PDE8A: variants seen among roughly 807,000 people sequenced by gnomAD.
PDE8A encodes phosphodiesterase 8A.
A neutral mutation model predicts 105.0 loss-of-function variants in PDE8A; 59 were observed. That is an observed-to-expected ratio of 0.56 (90% CI 0.46 to 0.70). The LOEUF is 0.70. Ranked by LOEUF, PDE8A falls within the 30% of genes least tolerant of loss-of-function variation. The pLI, the probability that PDE8A is intolerant of heterozygous loss-of-function variation, is 0.00. For missense variants in PDE8A, 1,014 were observed against 1,045.9 expected (o/e 0.97, Z 0.42); for synonymous variants, 355 against 371.9 (o/e 0.95, Z 0.52).
chr15:84,997,963 G>T (rs1313807951), intron 1 of PDE8A, among the ~76,000 whole-genome samples: 1 of 152,114 alleles, frequency 6.6e-6, no homozygotes, highest in Non-Finnish European at 1.5e-5. Flanking sequence ...CAAAGACTTG[G>T]ATTTATTCTT....
At chr15:84,981,691 AGGC>A (rs143049742), upstream of PDE8A, among the ~76,000 whole-genome samples, 4,478 of 150,742 alleles carry the variant, frequency 0.03, 238 homozygotes, top group African/African-American at 0.1. Flanking sequence ...GGAGCCGGGG[AGGC>A]GGCGGCGGCG....
At chr15:85,040,311 GCC>G (rs939266557) in intron 1 of PDE8A, among the ~76,000 whole-genome samples, 2 of 8,892 alleles carry the variant, frequency 2.2e-4, no homozygotes, top group Non-Finnish European at 5.2e-4. Flanking sequence ...CCACCTTGGC[GCC>G]TCCCAAAGTG....
At chr15:85,128,826 A>G (rs2082293724) in intron 20 of PDE8A, among the ~76,000 whole-genome samples, 1 of 152,254 alleles carries the variant, frequency 6.6e-6, no homozygotes, top group African/African-American at 2.4e-5. Flanking sequence ...TTAAAACCAC[A>G]GTGAAATACC....
chr15:84,996,238 G>C (rs2079973927), intron 1 of PDE8A, among the ~76,000 whole-genome samples: 1 of 151,874 alleles, frequency 6.6e-6, no homozygotes, highest in African/African-American at 2.4e-5. Context: ...AGGCTGGAGT[G>C]CAGTGGCAGC....
chr15:85,132,169 A>G (rs1245140958), intron 20 of PDE8A, among the ~76,000 whole-genome samples: 2 of 152,142 alleles, frequency 1.3e-5, no homozygotes, highest in Non-Finnish European at 2.9e-5. Flanking sequence ...ATGGGGTCTC[A>G]CTATGTTGCC....
At chr15:84,980,990 G>T (rs1476507683), upstream of PDE8A, among the ~76,000 whole-genome samples, 1 of 152,200 alleles carries the variant, frequency 6.6e-6, no homozygotes, top group Non-Finnish European at 1.5e-5. Context: ...ACCCACCCGG[G>T]ACCCGGCGCG....
chr15:85,138,071 A>G lies in PDE8A; in HGVS notation c.*168A>G, dbSNP rs375036701. 345 of 548,536 alleles carry G rather than the reference A, an allele frequency of 6.3e-4. 11 individuals carry two copies. The highest frequency in any genetic ancestry group is 5.0e-3 in the East Asian group (170 of 34,208). The allele number at this position is 548,536 out of a possible 1,614,324, so 34.0% of individuals were successfully genotyped here. A position where few individuals can be genotyped will look rare whatever the true frequency, so the allele number is the denominator to read the frequency against. On this transcript the variant is annotated 3_prime_UTR_variant, in exon 22 of 22. Transcript: ENST00000394553. Reference sequence around the variant, plus strand: ...AGTAACCTTCTGCAGCCACCATCCAATGCCATTACTGTCAAGTGAGACTTG... The same window carrying G: ...AGTAACCTTCTGCAGCCACCATCCAGTGCCATTACTGTCAAGTGAGACTTG...
chr15:84,986,797 C>G (rs11629962), intron 1 of PDE8A, among the ~76,000 whole-genome samples: 12 of 151,086 alleles, frequency 7.9e-5, no homozygotes, highest in East Asian at 1.9e-4. Context: ...TTTTTTTTGT[C>G]GAGACGAGAT....
chr15:85,108,640 C>T (rs547605002), intron 11 of PDE8A, among the ~76,000 whole-genome samples: 36 of 152,182 alleles, frequency 2.4e-4, no homozygotes, highest in Admixed American at 2.0e-3. Context: ...GAATGTTTTC[C>T]CTGGGATATT....
At chr15:85,078,569 A>G (rs888277839) in intron 5 of PDE8A, among the ~76,000 whole-genome samples, 63 of 149,060 alleles carry the variant, frequency 4.2e-4, no homozygotes, top group Middle Eastern at 6.8e-3. Context: ...AAAAAAAAAA[A>G]AGAAAGAAAA....
At chr15:85,033,548 T>C (rs2080651433) in intron 1 of PDE8A, among the ~76,000 whole-genome samples, 1 of 152,112 alleles carries the variant, frequency 6.6e-6, no homozygotes, top group South Asian at 2.1e-4. Context: ...TGGCCCTGGC[T>C]CCTCTCCCAA....
chr15:85,122,933 G>A, intron 18 of PDE8A, 128 bp from the exon 19 acceptor site: 1 of 911,728 alleles, frequency 1.1e-6, no homozygotes, highest in Non-Finnish European at 1.7e-6. Context: ...AATGTGCCTT[G>A]TGGCTTTCAG....
At chr15:85,038,166 C>G (rs2080738801) in intron 1 of PDE8A, among the ~76,000 whole-genome samples, 1 of 152,000 alleles carries the variant, frequency 6.6e-6, no homozygotes, top group South Asian at 2.1e-4. Flanking sequence ...TCCTTCTTAG[C>G]TCTTGCGTAT....
chr15:85,135,077 C>T (rs1222203211), intron 20 of PDE8A, among the ~76,000 whole-genome samples: 4 of 152,116 alleles, frequency 2.6e-5, no homozygotes, highest in Non-Finnish European at 5.9e-5. Context: ...AGCATGGGAA[C>T]GTTCTGGGCG....
intron 16 of PDE8A, among the ~76,000 whole-genome samples, chr15:85,117,009 A>C (rs1596535231): frequency 6.6e-6 from 1 of 152,220 alleles, no homozygotes; most frequent in Non-Finnish European, 1.5e-5. Flanking sequence ...CTGCCTCAAC[A>C]CAGCCAGTTT....
In PDE8A at chr15:85,126,401, T is replaced by TAG. The variant is rs534070610; in HGVS notation, c.2253+40_2253+41dup. The TAG allele has an allele frequency of 1.0e-3, 1,487 of 1,474,910 alleles. 1 individual carries two copies. The highest frequency in any genetic ancestry group is 1.3e-3 in the Non-Finnish European group (1,400 of 1,094,326). 91.4% of individuals were successfully genotyped at this position (1,474,910 alleles called of 1,614,324 possible). On this transcript the variant is annotated intron_variant, in intron 20 of 21. Coordinates refer to ENST00000394553, the MANE Select transcript of PDE8A (RefSeq NM_002605.3). ...TAAGTTGCTGCCTCTTTTAAGTTTC[T>TAG]AGAGAGAGAGAGAGTTAAAACCCAT...
intron 1 of PDE8A, among the ~76,000 whole-genome samples, chr15:85,020,152 C>G (rs1436794509): frequency 6.6e-6 from 1 of 151,916 alleles, no homozygotes; most frequent in Non-Finnish European, 1.5e-5. Flanking sequence ...GGTATTCTTT[C>G]TTAGGCACAA....
intron 11 of PDE8A, among the ~76,000 whole-genome samples, chr15:85,105,051 G>A (rs2141578630): frequency 6.6e-6 from 1 of 152,232 alleles, no homozygotes; most frequent in South Asian, 2.1e-4. Flanking sequence ...AGGGGATTGG[G>A]CATGCAGGGG....
At chr15:85,026,801 T>A (rs1255954637) in intron 1 of PDE8A, among the ~76,000 whole-genome samples, 1 of 152,098 alleles carries the variant, frequency 6.6e-6, no homozygotes, top group Admixed American at 6.6e-5. Flanking sequence ...AAACTAAATT[T>A]AAAAAATAAA....
Sources: allele counts gnomAD v4.1 joint callset (sites outside exome capture counted in the v4.1 genomes callset), GRCh38; gene constraint gnomAD v4.1.1; transcripts MANE v1.5; gene names NCBI Gene and HGNC (gene_info 2026-07-23, HGNC 2026-07-21).